Variants in DACH2 observed in about 807,000 individuals in gnomAD.
The protein encoded by DACH2 is dachshund family transcription factor 2, also known as dachshund homolog 2.
In DACH2, 17 loss-of-function variants were observed where a neutral mutation model predicts 35.8. The observed-to-expected ratio is 0.48, with a 90% confidence interval of 0.33 to 0.71. DACH2 has a LOEUF of 0.71. DACH2 is among the 30% of genes least tolerant of loss of function. DACH2 has a pLI of 0.02. For synonymous variants in DACH2, 195 were observed against 177.3 expected, an observed-to-expected ratio of 1.10 and a Z score of -0.79; for missense variants, 469 against 472.7, an observed-to-expected ratio of 0.99 and a Z score of 0.07.
At chrX:86,594,373 CTTATT>C (rs2039686311) in intron 3 of DACH2, among the ~76,000 whole-genome samples, 1 of 110,878 alleles carries the variant, frequency 9.0e-6, no homozygotes, top group Non-Finnish European at 1.9e-5. Context: ...CTTTTTTCTG[CTTATT>C]TTGTTTTAAT....
chrX:86,535,354 T>A (rs1239367503), intron 3 of DACH2, among the ~76,000 whole-genome samples: 4 of 111,643 alleles, frequency 3.6e-5, no homozygotes, highest in Non-Finnish European at 7.5e-5. Context: ...GGGTAATATA[T>A]AATTATAAAC....
At chrX:86,338,663 G>A (rs757090620) in intron 1 of DACH2, among the ~76,000 whole-genome samples, 5 of 111,303 alleles carry the variant, frequency 4.5e-5, no homozygotes, top group Non-Finnish European at 9.4e-5. Flanking sequence ...AAGAACTAGC[G>A]AAACAAGAGC....
chrX:86,455,079 A>AT (rs1418142272), intron 2 of DACH2, among the ~76,000 whole-genome samples: 1 of 110,223 alleles, frequency 9.1e-6, no homozygotes, highest in Non-Finnish European at 1.9e-5. Context: ...CAGTTGCCTC[A>AT]TTTTTTTCCT....
At chrX:86,219,593 A>G (rs1157269041) in intron 1 of DACH2, among the ~76,000 whole-genome samples, 1 of 111,797 alleles carries the variant, frequency 8.9e-6, no homozygotes, top group African/African-American at 3.3e-5. Context: ...ATTTTATTAT[A>G]TATAACGTAA....
At chrX:86,617,192 G>A (rs6617249) in intron 3 of DACH2, among the ~76,000 whole-genome samples, 25,138 of 110,652 alleles carry the variant, frequency 0.23, 2,372 homozygotes, top group South Asian at 0.36. Context: ...AAGTTGAGTA[G>A]TATGACACCT....
chrX:86,812,985 C>T lies in DACH2; in HGVS notation c.1370C>T (p.Thr457Ile), dbSNP rs2042409507. Reference protein sequence around the residue: ...IFADSLSSVETLLTNIQGLLK... With the variant: ...IFADSLSSVEILLTNIQGLLK... Reference sequence around the variant, plus strand: ...GCTGATAGTCTGTCCTCCGTGGAGACTCTGTTGACCAACATTCAGGTCAAC... The same window carrying T: ...GCTGATAGTCTGTCCTCCGTGGAGATTCTGTTGACCAACATTCAGGTCAAC... Residue 457 changes from threonine (T) to isoleucine (I), a missense_variant, in exon 8 of 12, where the codon ACT becomes ATT. By Grantham distance (89) the Thr-to-Ile change is moderately conservative (BLOSUM62 -1). Around this residue, in one of 3 missense-constraint regions of DACH2, gnomAD observed 363 missense variants for 334.4 expected, o/e 1.09. Coordinates refer to ENST00000373125, the MANE Select transcript of DACH2 (RefSeq NM_053281.3). 2 of 1,198,822 alleles carry T rather than the reference C, an allele frequency of 1.7e-6. No individual in the cohort carries two copies. Among genetic ancestry groups the T allele is most frequent in the Admixed American group, 2.2e-5 (1 of 44,508 alleles).
At chrX:86,190,297 C>T (rs2147891357) in intron 1 of DACH2, among the ~76,000 whole-genome samples, 1 of 112,052 alleles carries the variant, frequency 8.9e-6, no homozygotes, top group East Asian at 2.8e-4. Context: ...CAATTCTCTA[C>T]AATTTTGTTC....
rs143924527 is a variant in DACH2, at chrX:86,164,950, GT to G, written c.488+15851del. 8.4e-5 allele frequency among the ~76,000 whole-genome samples: 9 copies of G among 107,571 alleles called. 1 individual carries two copies. The highest frequency in any genetic ancestry group is 7.9e-4 in the Admixed American group (8 of 10,131). 93.4% of individuals were successfully genotyped at this position (107,571 alleles called of 115,157 possible). A position where few individuals can be genotyped will look rare whatever the true frequency, so the allele number is the denominator to read the frequency against. ...TTGGTTCTATATAAATTTTAAAATA[GT>G]TTTTTTTTCTAGTTTTGTGAAGAAC... On this transcript the variant is annotated intron_variant, in intron 1 of 11. Transcript: ENST00000373125.
At chrX:86,707,560 G>A (rs1216883819) in intron 5 of DACH2, among the ~76,000 whole-genome samples, 1 of 111,416 alleles carries the variant, frequency 9.0e-6, no homozygotes, top group Non-Finnish European at 1.9e-5. Context: ...CAGTATCTCT[G>A]ATGAACATAA....
intron 6 of DACH2, among the ~76,000 whole-genome samples, chrX:86,726,882 C>T (rs2041476053): frequency 8.9e-6 from 1 of 111,913 alleles, no homozygotes; most frequent in African/African-American, 3.2e-5. Flanking sequence ...CTGCTTCAAA[C>T]CCTCTCATTA....
intron 1 of DACH2, among the ~76,000 whole-genome samples, chrX:86,242,691 C>A: frequency 9.0e-6 from 1 of 111,224 alleles, no homozygotes; most frequent in African/African-American, 3.3e-5. Context: ...TGTGTCCCCT[C>A]CCAAATCTCA....
chrX:86,636,860 G>A (rs554739142), intron 3 of DACH2, among the ~76,000 whole-genome samples: 1 of 110,040 alleles, frequency 9.1e-6, no homozygotes, highest in South Asian at 3.9e-4. Flanking sequence ...ATTGACAAAT[G>A]AGATTTAATT....
At chrX:86,572,957 GC>G (rs1446125339) in intron 3 of DACH2, among the ~76,000 whole-genome samples, 4 of 111,280 alleles carry the variant, frequency 3.6e-5, no homozygotes, top group African/African-American at 9.8e-5. Flanking sequence ...AAAGTACCAG[GC>G]AAGTGTAGCC....
At chrX:86,303,780 T>A (rs1040487089) in intron 1 of DACH2, among the ~76,000 whole-genome samples, 7 of 110,500 alleles carry the variant, frequency 6.3e-5, no homozygotes, top group African/African-American at 2.3e-4. Flanking sequence ...AGAGTGAATC[T>A]TGCAAGAATT....
At chrX:86,714,312 T>G (rs1452999124) in intron 5 of DACH2, among the ~76,000 whole-genome samples, 1 of 111,882 alleles carries the variant, frequency 8.9e-6, no homozygotes, top group African/African-American at 3.2e-5. Context: ...TTATAAATAT[T>G]TGGGAAGTGA....
chrX:86,166,675 A>G (rs1000666056), intron 1 of DACH2, among the ~76,000 whole-genome samples: 6 of 111,226 alleles, frequency 5.4e-5, no homozygotes, highest in Non-Finnish European at 1.1e-4. Flanking sequence ...GTTTTTCCCC[A>G]TTTAGTATGA....
chrX:86,281,330 G>A (rs1433399790), intron 1 of DACH2, among the ~76,000 whole-genome samples: 1 of 111,323 alleles, frequency 9.0e-6, no homozygotes. Context: ...TCCCTCGGAT[G>A]CAAGGCTGGT....
chrX:86,300,388 A>T (rs1015165486), intron 1 of DACH2, among the ~76,000 whole-genome samples: 1 of 111,331 alleles, frequency 9.0e-6, no homozygotes, highest in African/African-American at 3.3e-5. Flanking sequence ...GTTTTTAAAA[A>T]GTTTATTTTA....
At chrX:86,296,150 C>A (rs1027128451) in intron 1 of DACH2, among the ~76,000 whole-genome samples, 1 of 107,273 alleles carries the variant, frequency 9.3e-6, no homozygotes, top group Non-Finnish European at 1.9e-5. Flanking sequence ...GAGGCCGAGG[C>A]GGGCGGATCA....
Sources: gnomAD v4.1 joint callset for allele counts (sites outside exome capture counted in the v4.1 genomes callset) on GRCh38, gnomAD v4.1.1 for gene constraint, gnomAD v4.1.1 regional missense constraint, MANE v1.5 for transcripts, NCBI Gene and HGNC (gene_info 2026-07-23, HGNC 2026-07-21) for gene names.